TTC9: variants seen among roughly 807,000 people sequenced by gnomAD.
The protein encoded by TTC9 is tetratricopeptide repeat protein 9A.
TTC9 carries 13 observed loss-of-function variants against 22.9 expected under a neutral mutation model. That is an observed-to-expected ratio of 0.57 (90% confidence interval 0.37 to 0.90). The LOEUF (loss-of-function observed/expected upper bound fraction) is 0.90. Among genes scored for constraint, TTC9 ranks in the 40% least tolerant of loss-of-function variants. TTC9 has a pLI of 0.01. For synonymous variants in TTC9, 148 were observed against 133.2 expected (o/e 1.11, Z -0.77); for missense variants, 280 against 291.8 (o/e 0.96, Z 0.29).
At chr14:70,658,718 C>T (rs376499343) in intron 1 of TTC9, among the ~76,000 whole-genome samples, 95 of 152,286 alleles carry the variant, frequency 6.2e-4, no homozygotes, top group African/African-American at 2.2e-3. Context: ...GAATTGCACT[C>T]TTGAGCTCTT....
At chr14:70,665,072 T>C (rs1886195853) in intron 1 of TTC9, among the ~76,000 whole-genome samples, 1 of 152,240 alleles carries the variant, frequency 6.6e-6, no homozygotes, top group Non-Finnish European at 1.5e-5. Context: ...GTCACCACCA[T>C]TTTATGCATT....
intron 1 of TTC9, among the ~76,000 whole-genome samples, chr14:70,659,128 ACACG>A (rs764316121): frequency 2.8e-4 from 38 of 137,234 alleles, no homozygotes; most frequent in African/African-American, 8.1e-4. Context: ...AAACACACAC[ACACG>A]CACACACACA....
In TTC9 at chr14:70,675,030, T is replaced by G. The variant is rs1886349350; in HGVS notation, c.*3875T>G. On this transcript the variant is annotated 3_prime_UTR_variant, in exon 3 of 3. Transcript: ENST00000256367. ...GTACCAAAACGCTCTCCTATTTGGA[T>G]CCTAGAGAGTACCCTGTTTCCTGCA... The G allele has an allele frequency of 6.6e-6, 1 of 152,202 alleles. No homozygotes were observed. The highest frequency in any genetic ancestry group is 2.1e-4 in the South Asian group (1 of 4,828). 9.4% of individuals were successfully genotyped at this position (152,202 alleles called of 1,614,324 possible).
rs796217938 is a variant in TTC9 at position 70,673,649 on chromosome 14, G to A, written c.*2494G>A. On this transcript the variant is annotated 3_prime_UTR_variant, in exon 3 of 3. Coordinates refer to ENST00000256367, the MANE Select transcript of TTC9 (RefSeq NM_015351.2). ...GGCAGATGGTTTGTTAGGATCTGAAGGATGAAGAGAAGGGTAGAGGTCACC... is the reference window on the plus strand; with the variant it reads ...GGCAGATGGTTTGTTAGGATCTGAAAGATGAAGAGAAGGGTAGAGGTCACC... 2.0e-5 allele frequency: 3 copies of A among 148,238 alleles called. No homozygotes were observed. The highest frequency in any genetic ancestry group is 7.5e-5 in the African/African-American group (3 of 40,228). 9.2% of individuals were successfully genotyped at this position (148,238 alleles called of 1,614,324 possible).
At chr14:70,655,280 G>T (rs1594737633) in intron 1 of TTC9, among the ~76,000 whole-genome samples, 1 of 152,110 alleles carries the variant, frequency 6.6e-6, no homozygotes, top group South Asian at 2.1e-4. Flanking sequence ...TGTAGTCCTA[G>T]CTACTCGGGA....
At chr14:70,663,437 C>T (rs1284595012) in intron 1 of TTC9, among the ~76,000 whole-genome samples, 1 of 152,186 alleles carries the variant, frequency 6.6e-6, no homozygotes, top group Non-Finnish European at 1.5e-5. Flanking sequence ...TGCTAAGCAT[C>T]CTGCAAGGCT....
intron 1 of TTC9, 111 bp from the exon 2 acceptor site, chr14:70,667,453 C>A: frequency 9.0e-7 from 1 of 1,111,908 alleles, no homozygotes; most frequent in Non-Finnish European, 1.3e-6. Context: ...AGATGTAAAC[C>A]CCAGTGGAAA....
At chr14:70,650,781 A>G (rs572205270) in intron 1 of TTC9, among the ~76,000 whole-genome samples, 1 of 152,284 alleles carries the variant, frequency 6.6e-6, no homozygotes, top group South Asian at 2.1e-4. Flanking sequence ...TCCAAAACCT[A>G]TATTACTTGA....
chr14:70,655,475 G>T (rs1047563050), intron 1 of TTC9, among the ~76,000 whole-genome samples: 2 of 151,908 alleles, frequency 1.3e-5, no homozygotes, highest in Non-Finnish European at 2.9e-5. Flanking sequence ...ACAGTTAACC[G>T]TTTTGGTTTA....
chr14:70,656,634 G>A lies in TTC9; in HGVS notation c.407-10930G>A, dbSNP rs975222766. ...AGACGTTCTTTAATGTCCAAAAAGA[G>A]AACAGGATAGAACTCTGGCTTCTAA... On this transcript the variant is annotated intron_variant, in intron 1 of 2. Transcript: ENST00000256367. Among the ~76,000 whole-genome samples the A allele has an allele frequency of 1.9e-4, 29 of 152,320 alleles. No individual in the cohort carries two copies. The East Asian group carries it at 4.6e-3, about 24-fold the overall frequency.
intron 2 of TTC9, among the ~76,000 whole-genome samples, chr14:70,669,251 G>C (rs1167319900): frequency 6.6e-6 from 1 of 152,040 alleles, no homozygotes; most frequent in African/African-American, 2.4e-5. Flanking sequence ...ACTTTGACTT[G>C]ATGTTGCTAT....
chr14:70,656,486 C>T (rs1886069445), intron 1 of TTC9, among the ~76,000 whole-genome samples: 1 of 152,198 alleles, frequency 6.6e-6, no homozygotes, highest in Admixed American at 6.5e-5. Flanking sequence ...GCTCTTTCCG[C>T]TATACATGTG....
intron 1 of TTC9, among the ~76,000 whole-genome samples, chr14:70,656,618 T>C (rs781559082): frequency 6.6e-6 from 1 of 152,168 alleles, no homozygotes; most frequent in Admixed American, 6.5e-5. Flanking sequence ...GAGACGTTCT[T>C]TAATGTCCAA....
intron 1 of TTC9, among the ~76,000 whole-genome samples, chr14:70,658,912 G>A (rs1384189932): frequency 6.6e-6 from 1 of 152,126 alleles, no homozygotes; most frequent in African/African-American, 2.4e-5. Context: ...TTAACAACTT[G>A]GATGCATTGC....
rs565530906 is a variant in TTC9, at chr14:70,670,913, C to T, written c.590-163C>T. 2.0e-5 allele frequency among the ~76,000 whole-genome samples: 3 copies of T among 152,172 alleles called. No homozygotes were observed. In the East Asian group the frequency reaches 5.8e-4, roughly 29 times the overall value. On this transcript the variant is annotated intron_variant, in intron 2 of 2. Coordinates refer to ENST00000256367, the MANE Select transcript of TTC9 (RefSeq NM_015351.2). ...AAGGGGAGACAGTGAAGGAGAGGGTCGACATCTAGTTGCCCTCTCAGCCAC... is the reference window on the plus strand; with the variant it reads ...AAGGGGAGACAGTGAAGGAGAGGGTTGACATCTAGTTGCCCTCTCAGCCAC...
intron 1 of TTC9, among the ~76,000 whole-genome samples, chr14:70,655,745 C>A (rs1566698246): frequency 6.6e-6 from 1 of 152,160 alleles, no homozygotes; most frequent in Non-Finnish European, 1.5e-5. Flanking sequence ...TCCACAGCAC[C>A]ACTACACCCA....
chr14:70,660,371 C>A (rs1396811695), intron 1 of TTC9, among the ~76,000 whole-genome samples: 1 of 152,174 alleles, frequency 6.6e-6, no homozygotes, highest in Non-Finnish European at 1.5e-5. Flanking sequence ...TACGCTGTAG[C>A]TTTGTTTATG....
intron 1 of TTC9, among the ~76,000 whole-genome samples, chr14:70,650,990 C>A (rs959770360): frequency 6.8e-6 from 1 of 146,300 alleles, no homozygotes; most frequent in East Asian, 2.0e-4. Flanking sequence ...TTTTTTTTTT[C>A]TTTTTTTGAG....
chr14:70,667,467 C>A, intron 1 of TTC9, 97 bp from the exon 2 acceptor site: 1 of 1,373,218 alleles, frequency 7.3e-7, no homozygotes, highest in Non-Finnish European at 1.0e-6. Flanking sequence ...GTGGAAAACC[C>A]CAACCCTGCT....
Sources: gnomAD v4.1 joint callset for allele counts (sites outside exome capture counted in the v4.1 genomes callset) on GRCh38, gnomAD v4.1.1 for gene constraint, MANE v1.5 for transcripts, NCBI Gene and HGNC (gene_info 2026-07-23, HGNC 2026-07-21) for gene names.